Variants in STARD8 observed in about 807,000 individuals in gnomAD.
STARD8 encodes the protein StAR related lipid transfer domain containing 8.
A neutral mutation model predicts 69.4 loss-of-function variants in STARD8; 25 were observed. The ratio of observed to expected loss-of-function variants is 0.36; its 90% confidence interval spans 0.26 to 0.50. The LOEUF (loss-of-function observed/expected upper bound fraction) is 0.50, where lower values mean the gene tolerates loss of function less well. STARD8 is among the 20% of genes least tolerant of loss of function. STARD8 has a pLI of 0.96. For synonymous variants in STARD8, 389 were observed against 374.6 expected, an observed-to-expected ratio of 1.04 and a Z score of -0.45; for missense variants, 921 against 932.5, an observed-to-expected ratio of 0.99 and a Z score of 0.16.
intron 2 of STARD8, among the ~76,000 whole-genome samples, chrX:68,701,661 T>C (rs989546797): frequency 4.6e-5 from 5 of 109,841 alleles, no homozygotes; most frequent in African/African-American, 1.7e-4. Flanking sequence ...CAGGAGGGAG[T>C]TGGGCAGTGG....
intron 2 of STARD8, chrX:68,693,818 G>C: frequency 1.3e-6 from 1 of 754,971 alleles, no homozygotes; most frequent in Non-Finnish European, 1.6e-6. Flanking sequence ...GGGTGGACGC[G>C]GCCTCCAGGT....
Position 68,717,793 on chromosome X carries a change from C to G in STARD8, c.879C>G (p.His293Gln). Residue 293 changes from histidine to glutamine, a missense_variant, in exon 6 of 15, where the codon CAC becomes CAG. Physicochemically the swap from His to Gln is conservative, Grantham distance 24. Coordinates refer to ENST00000374599, the MANE Select transcript of STARD8 (RefSeq NM_001142503.3). ...VASFRHPQWT[H>Q]RGDCLVHVPG... ...CGTTCCGGCATCCTCAGTGGACACA[C>G]CGGGGTGATTGCCTGGTGCACGTTC... 3.3e-6 allele frequency: 4 copies of G among 1,211,805 alleles called. No individual in the cohort carries two copies. Among genetic ancestry groups the G allele is most frequent in the Non-Finnish European group, 4.5e-6 (4 of 895,459 alleles).
chrX:68,658,171 G>A (rs2079622098), intron 1 of STARD8, among the ~76,000 whole-genome samples: 1 of 111,929 alleles, frequency 8.9e-6, no homozygotes, highest in Non-Finnish European at 1.9e-5. Flanking sequence ...AATATTTGTA[G>A]AGCACATACT....
intron 2 of STARD8, among the ~76,000 whole-genome samples, chrX:68,704,019 G>A (rs993565050): frequency 1.3e-4 from 15 of 111,933 alleles, no homozygotes; most frequent in Admixed American, 6.6e-4. Flanking sequence ...CAGAGTCAGA[G>A]GCCTCTATAC....
chrX:68,715,945 T>G (rs1381179879), intron 4 of STARD8, among the ~76,000 whole-genome samples: 9 of 112,669 alleles, frequency 8.0e-5, no homozygotes, highest in African/African-American at 2.9e-4. Flanking sequence ...ATTGGTCTCA[T>G]GCCCACACTG....
intron 2 of STARD8, among the ~76,000 whole-genome samples, chrX:68,668,057 T>TTTCC (rs1235300300): frequency 5.6e-5 from 4 of 71,566 alleles, no homozygotes; most frequent in African/African-American, 2.2e-4. Context: ...TCTCTCTTTC[T>TTTCC]TTTCTTTCTT....
chrX:68,717,824 G>A lies in STARD8; in HGVS notation c.910G>A (p.Asp304Asn), dbSNP rs1157642787. ...TGATTGCCTGGTGCACGTTCCTGGG[G>A]ACCACAAACCAGGCACATTCCCTCG... ...RGDCLVHVPG[D>N]HKPGTFPRSL... The change falls in exon 6 of 15, where the codon GAC (aspartate) becomes AAC (asparagine). Residue 304 changes from aspartate to asparagine, a missense_variant. Asp to Asn is a conservative substitution (Grantham distance 23, BLOSUM62 1). Transcript: ENST00000374599. 1.7e-6 allele frequency: 2 copies of A among 1,211,253 alleles called. No individual in the cohort carries two copies. Among genetic ancestry groups the A allele is most frequent in the South Asian group, 1.8e-5 (1 of 56,829 alleles).
At chrX:68,654,002 A>G in intron 1 of STARD8, among the ~76,000 whole-genome samples, 1 of 111,579 alleles carries the variant, frequency 9.0e-6, no homozygotes, top group South Asian at 3.8e-4. Context: ...CATCTCAACC[A>G]TGACCTCTGG....
At position 68,721,879 on chromosome X, in the gene STARD8, G is replaced by A. The variant is rs1048493966; in HGVS notation, c.2459+133G>A. Reference sequence around the variant, plus strand: ...AAGGAGTGAGCCTGACTCCTCAGGGGCCCTGGGCTGGTGGGATGCTGTGGA... The same window carrying A: ...AAGGAGTGAGCCTGACTCCTCAGGGACCCTGGGCTGGTGGGATGCTGTGGA... On this transcript the variant is annotated intron_variant, in intron 10 of 14. Transcript: ENST00000374599. 5.0e-6 allele frequency: 4 copies of A among 797,104 alleles called. No individual in the cohort carries two copies. The African/African-American group carries it at 8.3e-5, about 17-fold the overall frequency. 65.7% of individuals were successfully genotyped at this position (797,104 alleles called of 1,213,427 possible).
At chrX:68,662,767 C>T (rs1461814181) in intron 1 of STARD8, among the ~76,000 whole-genome samples, 2 of 111,757 alleles carry the variant, frequency 1.8e-5, no homozygotes, top group Non-Finnish European at 3.8e-5. Flanking sequence ...ACAATGTGCC[C>T]CCACTCCCAG....
intron 1 of STARD8, among the ~76,000 whole-genome samples, chrX:68,649,244 G>A (rs1051745092): frequency 1.4e-4 from 15 of 110,674 alleles, no homozygotes; most frequent in Non-Finnish European, 2.8e-4. Context: ...GTGGGGGAAG[G>A]GCATTCCAGG....
At chrX:68,692,729 C>T (rs1466020505) in intron 2 of STARD8, among the ~76,000 whole-genome samples, 1 of 112,623 alleles carries the variant, frequency 8.9e-6, no homozygotes, top group Non-Finnish European at 1.9e-5. Context: ...CATGGTGGCA[C>T]ACACCTGTTA....
intron 1 of STARD8, among the ~76,000 whole-genome samples, chrX:68,656,721 A>C (rs2079613064): frequency 1.8e-5 from 2 of 111,703 alleles, no homozygotes; most frequent in African/African-American, 6.5e-5. Context: ...ACATGGATGA[A>C]GATGGAAACC....
chrX:68,652,569 C>G (rs2079554619), intron 1 of STARD8, among the ~76,000 whole-genome samples: 1 of 111,115 alleles, frequency 9.0e-6, no homozygotes, highest in African/African-American at 3.3e-5. Flanking sequence ...CCCCTGGAGG[C>G]CAGTCAGGGC....
At chrX:68,691,110 A>AACACAC (rs1199440174) in intron 2 of STARD8, among the ~76,000 whole-genome samples, 2 of 110,570 alleles carry the variant, frequency 1.8e-5, no homozygotes, top group African/African-American at 6.6e-5. Flanking sequence ...CGGGCACAGA[A>AACACAC]ACACACACAC....
At chrX:68,704,551 GA>G (rs754999513) in intron 2 of STARD8, among the ~76,000 whole-genome samples, 2 of 111,434 alleles carry the variant, frequency 1.8e-5, no homozygotes, top group Admixed American at 1.9e-4. Flanking sequence ...AGTTGGGCAG[GA>G]AAAAACCCAA....
intron 8 of STARD8, 65 bp downstream of exon 8, chrX:68,720,488 C>T: frequency 1.8e-6 from 2 of 1,088,307 alleles, no homozygotes; most frequent in Non-Finnish European, 1.2e-6. Flanking sequence ...GGGCATTGGG[C>T]TGAAGGCTGA....
At chrX:68,696,390 T>C (rs2079919949) in intron 2 of STARD8, among the ~76,000 whole-genome samples, 1 of 111,220 alleles carries the variant, frequency 9.0e-6, no homozygotes, top group Non-Finnish European at 1.9e-5. Flanking sequence ...TAGATAGGAA[T>C]CAGTGGACTG....
intron 2 of STARD8, among the ~76,000 whole-genome samples, chrX:68,711,225 C>T (rs1462356342): frequency 1.9e-5 from 2 of 105,930 alleles, no homozygotes; most frequent in Admixed American, 1.0e-4. Flanking sequence ...TATGCATGCA[C>T]ACACACACAC....
Sources: allele counts gnomAD v4.1 joint callset (sites outside exome capture counted in the v4.1 genomes callset), GRCh38; gene constraint gnomAD v4.1.1; transcripts MANE v1.5; gene names NCBI Gene and HGNC (gene_info 2026-07-23, HGNC 2026-07-21).